Variants in RNF180 observed in about 807,000 individuals in gnomAD.
RNF180 encodes ring finger protein 180.
Under a neutral mutation model 59.2 loss-of-function variants are expected in RNF180, and 38 were observed. That is an observed-to-expected ratio of 0.64 (90% CI 0.50 to 0.84). The LOEUF (loss-of-function observed/expected upper bound fraction) is 0.84, where lower values mean the gene tolerates loss of function less well. RNF180 is among the 40% of genes least tolerant of loss of function. The pLI, the probability that RNF180 is intolerant of heterozygous loss-of-function variation, is 0.00. For missense variants in RNF180, 705 were observed against 700.9 expected (o/e 1.01, Z -0.07); for synonymous variants, 262 against 240.3 (o/e 1.09, Z -0.84).
chr5:64,337,090 CG>C (rs1476469734), intron 7 of RNF180, among the ~76,000 whole-genome samples: 1 of 151,148 alleles, frequency 6.6e-6, no homozygotes, highest in Non-Finnish European at 1.5e-5. Flanking sequence ...GTGGTATGAT[CG>C]GCAGCCTCAA....
intron 7 of RNF180, among the ~76,000 whole-genome samples, chr5:64,356,081 C>T (rs1359341128): frequency 6.6e-6 from 1 of 151,576 alleles, no homozygotes; most frequent in Non-Finnish European, 1.5e-5. Context: ...CATAACAAGA[C>T]CCTGTCTCTA....
chr5:64,180,387 T>C (rs1357217290), intron 1 of RNF180, among the ~76,000 whole-genome samples: 1 of 152,206 alleles, frequency 6.6e-6, no homozygotes, highest in Non-Finnish European at 1.5e-5. Flanking sequence ...TGCCATACAA[T>C]TGCTCATTAA....
intron 6 of RNF180, among the ~76,000 whole-genome samples, chr5:64,326,955 AT>A (rs1309211354): frequency 1.1e-4 from 17 of 151,954 alleles, no homozygotes; most frequent in Non-Finnish European, 2.1e-4. Flanking sequence ...ATGTTGGAAT[AT>A]TTTTTGTTAC....
At chr5:64,231,864 C>G (rs1039625101) in intron 5 of RNF180, among the ~76,000 whole-genome samples, 2 of 152,192 alleles carry the variant, frequency 1.3e-5, no homozygotes, top group African/African-American at 4.8e-5. Context: ...GCAGCCACTA[C>G]AGATATTTAT....
rs577379602 is a variant in RNF180 at position 64,236,744 on chromosome 5, A to G, written c.1227+19348A>G. Among the ~76,000 whole-genome samples the G allele has an allele frequency of 2.7e-3, 407 of 152,228 alleles. 1 individual carries two copies. The highest frequency in any genetic ancestry group is 9.6e-3 in the African/African-American group (399 of 41,542). ...GCCCCCTGCTGCTCTGTGCGGCTTC[A>G]GGCCTTGATGTCCTGTGTCCCAGCT... is the stretch of plus-strand genomic sequence containing the variant. On this transcript the variant is annotated intron_variant, in intron 5 of 7. Coordinates refer to ENST00000389100, the MANE Select transcript of RNF180 (RefSeq NM_001113561.2).
chr5:64,276,486 A>G (rs1741728424), intron 5 of RNF180, among the ~76,000 whole-genome samples: 1 of 151,938 alleles, frequency 6.6e-6, no homozygotes, highest in Admixed American at 6.6e-5. Context: ...AGACTAAATG[A>G]CCTCTTTATT....
intron 7 of RNF180, among the ~76,000 whole-genome samples, chr5:64,353,858 A>G (rs555135505): frequency 2.0e-5 from 3 of 151,888 alleles, no homozygotes; most frequent in African/African-American, 7.2e-5. Context: ...TAAAAAACAC[A>G]CTCAAACAAC....
At chr5:64,225,444 C>T (rs548926473) in intron 5 of RNF180, among the ~76,000 whole-genome samples, 71 of 146,472 alleles carry the variant, frequency 4.8e-4, no homozygotes, top group African/African-American at 1.3e-3. Context: ...TCTGCCCAGC[C>T]GGCCATCGTC....
chr5:64,198,672 C>G (rs947461866), intron 1 of RNF180, among the ~76,000 whole-genome samples: 2 of 152,096 alleles, frequency 1.3e-5, no homozygotes, highest in Non-Finnish European at 2.9e-5. Flanking sequence ...AGTCCCTATC[C>G]TGGCTGAGGA....
intron 7 of RNF180, among the ~76,000 whole-genome samples, chr5:64,341,679 C>T (rs1001558227): frequency 3.3e-4 from 50 of 152,100 alleles, no homozygotes; most frequent in African/African-American, 1.2e-3. Flanking sequence ...TCCTATTCTA[C>T]AATCATGAAG....
At chr5:64,265,490 T>TC (rs1744609732) in intron 5 of RNF180, among the ~76,000 whole-genome samples, 1 of 152,188 alleles carries the variant, frequency 6.6e-6, no homozygotes, top group Non-Finnish European at 1.5e-5. Context: ...GGGAATCCTT[T>TC]CCCCATTGCT....
At chr5:64,365,121 G>T (rs545968965) in intron 7 of RNF180, among the ~76,000 whole-genome samples, 1 of 151,588 alleles carries the variant, frequency 6.6e-6, no homozygotes, top group Non-Finnish European at 1.5e-5. Flanking sequence ...GTTTGCTCTT[G>T]CTTCTCTAGT....
intron 7 of RNF180, among the ~76,000 whole-genome samples, chr5:64,345,684 A>G (rs1045533084): frequency 5.3e-5 from 8 of 152,218 alleles, no homozygotes; most frequent in Non-Finnish European, 1.2e-4. Flanking sequence ...AGCACCTGTC[A>G]TGACAGATGT....
intron 5 of RNF180, among the ~76,000 whole-genome samples, chr5:64,313,835 A>G (rs1309525371): frequency 2.0e-5 from 3 of 152,096 alleles, no homozygotes; most frequent in Non-Finnish European, 4.4e-5. Context: ...TAACTTTTTA[A>G]TAATAGCCAT....
chr5:64,351,534 G>A (rs953454160), intron 7 of RNF180, among the ~76,000 whole-genome samples: 319 of 152,184 alleles, frequency 2.1e-3, no homozygotes, highest in Non-Finnish European at 3.5e-3. Context: ...GATATTGGCT[G>A]TGGGTTTGTC....
chr5:64,328,657 T>C (rs557256522), intron 6 of RNF180, among the ~76,000 whole-genome samples: 1 of 152,346 alleles, frequency 6.6e-6, no homozygotes, highest in African/African-American at 2.4e-5. Flanking sequence ...TTCAGTTGCC[T>C]AGAGTAGTGT....
intron 2 of RNF180, among the ~76,000 whole-genome samples, chr5:64,210,318 T>C (rs1307634431): frequency 2.0e-5 from 3 of 152,096 alleles, no homozygotes; most frequent in Non-Finnish European, 2.9e-5. Context: ...TTTCCTTCAG[T>C]GCTAGTCAAA....
chr5:64,304,200 G>T (rs901044148), intron 5 of RNF180, among the ~76,000 whole-genome samples: 3 of 151,652 alleles, frequency 2.0e-5, no homozygotes, highest in African/African-American at 7.3e-5. Context: ...AGAGAGCTCT[G>T]CTGGAGGTGT....
intron 5 of RNF180, among the ~76,000 whole-genome samples, chr5:64,278,436 G>T (rs1741838611): frequency 6.6e-6 from 1 of 152,178 alleles, no homozygotes; most frequent in South Asian, 2.1e-4. Flanking sequence ...GAGAGCCTAA[G>T]TTGTACAAAT....
Sources: gnomAD v4.1 joint callset for allele counts (sites outside exome capture counted in the v4.1 genomes callset) on GRCh38, gnomAD v4.1.1 for gene constraint, MANE v1.5 for transcripts, NCBI Gene and HGNC (gene_info 2026-07-23, HGNC 2026-07-21) for gene names.